The following LOC112694756 variants were observed in gnomAD, a reference collection of about 807,000 sequenced individuals.
At chr16:30,069,411 C>T in the LOC112694756 span, 5 of 1,614,074 alleles carry the variant, frequency 3.1e-6, no homozygotes, top group Non-Finnish European at 4.2e-6. Flanking sequence ...CCTGCCTGAC[C>T]AGTGCAAGGT....
chr16:30,059,078 G>C, the LOC112694756 span: 2 of 398,326 alleles, frequency 5.0e-6, no homozygotes, highest in Non-Finnish European at 8.9e-6. Flanking sequence ...AGGAAAGCCA[G>C]GCATCTAGGC....
the LOC112694756 span, chr16:30,065,556 C>T: frequency 5.2e-5 from 8 of 152,446 alleles, no homozygotes; most frequent in South Asian, 2.1e-4. Flanking sequence ...GGGATGTGGT[C>T]CGAGTCACGT....
chr16:30,066,983 G>GTGGGCAACTCCACCCTCAGC, the LOC112694756 span: 1 of 1,558,518 alleles, frequency 6.4e-7, no homozygotes, highest in Non-Finnish European at 8.7e-7. Context: ...CCAGTTGCCA[G>GTGGGCAACTCCACCCTCAGC]TGGGCAACTC....
chr16:30,058,703 T>C, the LOC112694756 span, among the ~76,000 whole-genome samples: 39 of 152,026 alleles, frequency 2.6e-4, no homozygotes, highest in East Asian at 5.8e-4. Flanking sequence ...AGGATGGTCT[T>C]GATCTCCTGA....
chr16:30,058,229 G>A, the LOC112694756 span, among the ~76,000 whole-genome samples: 5 of 152,292 alleles, frequency 3.3e-5, no homozygotes, highest in African/African-American at 1.2e-4. Context: ...CAGGGTGGAG[G>A]ACAGGGCAGG....
chr16:30,067,285 G>T, the LOC112694756 span: 1 of 1,612,644 alleles, frequency 6.2e-7, no homozygotes, highest in Non-Finnish European at 8.5e-7. Flanking sequence ...ACTGACCCCG[G>T]AGCAGAAGAA....
chr16:30,066,808 C>G, the LOC112694756 span: 13 of 1,460,850 alleles, frequency 8.9e-6, no homozygotes, highest in African/African-American at 1.4e-5. Context: ...TGGGCCCTTT[C>G]CCACGAGGGT....
the LOC112694756 span, chr16:30,065,850 G>C: frequency 6.5e-6 from 1 of 152,886 alleles, no homozygotes; most frequent in Admixed American, 6.5e-5. Context: ...CGAGTCCCGC[G>C]TTCTCTCCTT....
At chr16:30,068,955 C>T in the LOC112694756 span, 224 of 1,614,114 alleles carry the variant, frequency 1.4e-4, 2 homozygotes, top group Non-Finnish European at 1.7e-4. Flanking sequence ...TGTTCTGGCC[C>T]GTTATGCCAG....
chr16:30,059,612 G>A, the LOC112694756 span, among the ~76,000 whole-genome samples: 1 of 151,190 alleles, frequency 6.6e-6, no homozygotes, highest in Non-Finnish European at 1.5e-5. Context: ...GCCCAGGCTG[G>A]AATGCGGTGG....
chr16:30,068,437 G>A, the LOC112694756 span: 1 of 650,978 alleles, frequency 1.5e-6, no homozygotes. Flanking sequence ...AAGGGATTAA[G>A]TAAATGTGGG....
chr16:30,058,901 C>T, the LOC112694756 span: 1 of 398,302 alleles, frequency 2.5e-6, no homozygotes, highest in Non-Finnish European at 4.4e-6. Context: ...GCCTTGGGGA[C>T]TCAGCAGAAA....
At chr16:30,069,320 C>T in the LOC112694756 span, 12 of 1,614,086 alleles carry the variant, frequency 7.4e-6, no homozygotes, top group Non-Finnish European at 1.0e-5. Flanking sequence ...GCATTGTGCC[C>T]ATCGTGGAGC....
the LOC112694756 span, chr16:30,067,163 G>A: frequency 3.1e-6 from 5 of 1,604,042 alleles, no homozygotes; most frequent in Admixed American, 1.7e-5. Context: ...TCCAGGAGAG[G>A]GGCCCTGGTC....
At chr16:30,066,893 A>G in the LOC112694756 span, 5 of 1,548,616 alleles carry the variant, frequency 3.2e-6, no homozygotes, top group Non-Finnish European at 4.4e-6. Context: ...AGGCAAGGTG[A>G]CCCCATGGCA....
At chr16:30,055,026 A>G in the LOC112694756 span, 2 of 398,390 alleles carry the variant, frequency 5.0e-6, no homozygotes, top group African/African-American at 2.1e-5. Context: ...GACACTTGAC[A>G]TTTAGCCCTT....
the LOC112694756 span, among the ~76,000 whole-genome samples, chr16:30,059,649 G>A: frequency 6.9e-5 from 10 of 145,474 alleles, no homozygotes; most frequent in South Asian, 2.2e-4. Flanking sequence ...TGCAACCTCC[G>A]TCCCCCAGGT....
the LOC112694756 span, among the ~76,000 whole-genome samples, chr16:30,066,523 C>T: frequency 6.6e-6 from 1 of 152,240 alleles, no homozygotes; most frequent in Non-Finnish European, 1.5e-5. Flanking sequence ...TACCGCTTTC[C>T]TCGCCTCGGG....
the LOC112694756 span, chr16:30,063,833 G>A: frequency 2.5e-6 from 1 of 399,072 alleles, no homozygotes; most frequent in Non-Finnish European, 4.4e-6. Flanking sequence ...TCGAGATCAA[G>A]CTCCGATGAG....
Sources: gnomAD v4.1 joint callset for allele counts (sites outside exome capture counted in the v4.1 genomes callset) on GRCh38, gnomAD v4.1.1 for gene constraint, MANE v1.5 for transcripts.